Variants in SF3A2 observed in about 807,000 individuals in gnomAD.
SF3A2 encodes splicing factor 3a subunit 2, also known as SAP 62.
A neutral mutation model predicts 31.1 loss-of-function variants in SF3A2; 5 were observed. The observed-to-expected ratio is 0.16, with a 90% CI of 0.08 to 0.34. SF3A2 has a LOEUF of 0.34. Ranked by LOEUF, SF3A2 falls within the 10% of genes least tolerant of loss-of-function variation. The pLI is 1.00. For synonymous variants in SF3A2, 365 were observed against 263.7 expected, an observed-to-expected ratio of 1.38 and a Z score of -3.72; for missense variants, 577 against 643.9, an observed-to-expected ratio of 0.90 and a Z score of 1.13.
chr19:2,247,692 TC>T, intron 8 of SF3A2, 30 bp downstream of exon 8: 1 of 1,612,506 alleles, frequency 6.2e-7, no homozygotes, highest in South Asian at 1.1e-5. Context: ...CCTGGCTCCT[TC>T]CCACCCAGCC....
chr19:2,243,573 G>C (rs2024908298), intron 2 of SF3A2, 29 bp downstream of exon 2: 2 of 1,531,166 alleles, frequency 1.3e-6, no homozygotes, highest in Non-Finnish European at 8.7e-7. Flanking sequence ...AGCTGCCTGT[G>C]GTGGGTGCTG....
chr19:2,246,683 T>C lies in SF3A2; in HGVS notation c.356-70T>C, dbSNP rs891162926. 86 of 1,595,150 alleles carry C rather than the reference T, an allele frequency of 5.4e-5. 1 individual carries two copies. In the East Asian group the frequency reaches 1.9e-3, roughly 36 times the overall value. Reference sequence around the variant, plus strand: ...CCCGCTCTCGTTCAGTGGGTGGCATTAGCCTGCCCCAGGTTCCTCAGCTTC... The same window carrying C: ...CCCGCTCTCGTTCAGTGGGTGGCATCAGCCTGCCCCAGGTTCCTCAGCTTC... On this transcript the variant is annotated intron_variant, in intron 5 of 8. Coordinates refer to ENST00000221494, the MANE Select transcript of SF3A2 (RefSeq NM_007165.5). The surrounding 1 kb of genome is among the most constrained non-coding windows in gnomAD (Gnocchi z 5.5).
rs2024930694 is a variant in SF3A2, at chr19:2,246,166, G to C, written c.356-587G>C. Among the ~76,000 whole-genome samples, 11 of 152,296 alleles carry C rather than the reference G, an allele frequency of 7.2e-5. No homozygotes were observed. In the South Asian group the frequency reaches 2.3e-3, roughly 32 times the overall value. The stretch of plus-strand genomic sequence containing the variant: ...CCCGGGGCAGGTGCACCGGGTGGGC[G>C]AGGGTGGCTAGAGCGGCAGGCTCCT... On this transcript the variant is annotated intron_variant, in intron 5 of 8. Transcript: ENST00000221494. This position sits in a 1 kb window ranked among gnomAD's most constrained non-coding sequence, Gnocchi z 5.5.
intron 1 of SF3A2, among the ~76,000 whole-genome samples, chr19:2,241,537 G>A (rs2024888941): frequency 1.3e-5 from 2 of 152,196 alleles, no homozygotes; most frequent in South Asian, 2.1e-4. Flanking sequence ...AATCCTGCCC[G>A]CCTGTGGGCC....
In SF3A2 at chr19:2,248,170, C is replaced by CCCCCGGAGTCCACCCTCCAGT; in HGVS notation, c.1025_1026insAGTCCACCCTCCAGTCCCCGG (p.Pro346_Ala347insValProGlyValHisProPro). The CCCCCGGAGTCCACCCTCCAGT allele has an allele frequency of 6.8e-7, 1 of 1,464,868 alleles. No individual in the cohort carries two copies. Among genetic ancestry groups the CCCCCGGAGTCCACCCTCCAGT allele is most frequent in the Non-Finnish European group, 9.2e-7 (1 of 1,081,966 alleles). 90.7% of individuals were successfully genotyped at this position (1,464,868 alleles called of 1,614,324 possible). A position where few individuals can be genotyped will look rare whatever the true frequency, so the allele number is the denominator to read the frequency against. On this transcript the variant is annotated inframe_insertion, in exon 9 of 9. Transcript: ENST00000221494. Reference sequence around the variant, plus strand: ...CCAGCTCCTGGAGTCCACCCTCCAGCCCCCGGGGTTCACCCACCAGCCCCC... The same window carrying CCCCCGGAGTCCACCCTCCAGT: ...CCAGCTCCTGGAGTCCACCCTCCAGCCCCCGGAGTCCACCCTCCAGTCCCCGGGGTTCACCCACCAGCCCCC...
At position 2,246,627 on chromosome 19, in the gene SF3A2, G is replaced by A. The variant is rs2024935439; in HGVS notation, c.356-126G>A. On this transcript the variant is annotated intron_variant, in intron 5 of 8. Coordinates refer to ENST00000221494, the MANE Select transcript of SF3A2 (RefSeq NM_007165.5). This position sits in a 1 kb window ranked among gnomAD's most constrained non-coding sequence, Gnocchi z 5.5. ...GAGCCTGGGCGGAGATTGTCTAATG[G>A]TTGCCAGAGCTGCAGGGCCTCCCCC... 12 of 1,059,392 alleles carry A rather than the reference G, an allele frequency of 1.1e-5. No homozygotes were observed. Among genetic ancestry groups the A allele is most frequent in the Admixed American group, 1.1e-4 (5 of 44,802 alleles). 65.6% of individuals were successfully genotyped at this position (1,059,392 alleles called of 1,614,324 possible).
At position 2,245,626 on chromosome 19, in the gene SF3A2, C is replaced by T. The variant is rs995812281; in HGVS notation, c.355+71C>T. On this transcript the variant is annotated intron_variant, in intron 5 of 8. Coordinates refer to ENST00000221494, the MANE Select transcript of SF3A2 (RefSeq NM_007165.5). This position sits in a 1 kb window ranked among gnomAD's most constrained non-coding sequence, Gnocchi z 4.2. ...TAAGTGTGTTCTTTAGTCTCCAGTG[C>T]GGGAGGTGCAGCCCTGATAGCCTCC... is the stretch of plus-strand genomic sequence containing the variant. The T allele has an allele frequency of 9.5e-6, 11 of 1,157,388 alleles. No individual in the cohort carries two copies. Among genetic ancestry groups the T allele is most frequent in the African/African-American group, 4.6e-5 (3 of 65,634 alleles). The allele number at this position is 1,157,388 out of a possible 1,614,324, so 71.7% of individuals were successfully genotyped here.
At position 2,248,218 on chromosome 19, in the gene SF3A2, G is replaced by T; in HGVS notation, c.1067G>T (p.Gly356Val). ...PAPGVHPPAP[G>V]VHPPAPGVHP... ...CCCGGAGTCCACCCACCAGCCCCTGGGGTTCACCCACCAGCCCCAGGGGTC... is the reference window on the plus strand; with the variant it reads ...CCCGGAGTCCACCCACCAGCCCCTGTGGTTCACCCACCAGCCCCAGGGGTC... The change falls in exon 9 of 9, where the codon GGG becomes GTG. Residue 356 changes from glycine to valine, a missense_variant. By Grantham distance (109) the Gly-to-Val change is moderately radical (BLOSUM62 -3). Transcript: ENST00000221494. 6.9e-7 allele frequency: 1 copy of T among 1,457,870 alleles called. No homozygotes were observed. 90.3% of individuals were successfully genotyped at this position (1,457,870 alleles called of 1,614,324 possible).
intron 2 of SF3A2, 52 bp downstream of exon 2, chr19:2,243,596 C>T: frequency 6.7e-7 from 1 of 1,491,318 alleles, no homozygotes; most frequent in Non-Finnish European, 8.8e-7. Context: ...CTTTCCAGGG[C>T]AGCCCTGGAG....
In SF3A2 at chr19:2,246,855, C is replaced by T. The variant is rs369563263; in HGVS notation, c.406-27C>T. 6.2e-7 allele frequency: 1 copy of T among 1,612,918 alleles called. No homozygotes were observed. Among genetic ancestry groups the T allele is most frequent in the Non-Finnish European group, 8.5e-7 (1 of 1,179,718 alleles). The stretch of plus-strand genomic sequence containing the variant: ...GCGGCCAAAGGCACCCAAGAGGCGG[C>T]TCTGCCACCCGGCCGTGTCCCTGCA... On this transcript the variant is annotated intron_variant, in intron 6 of 8. Transcript: ENST00000221494. The surrounding 1 kb of genome is among the most constrained non-coding windows in gnomAD (Gnocchi z 5.5).
Position 2,246,824 on chromosome 19 carries a change from TG to T in SF3A2, c.405+28del, listed in dbSNP as rs986914129. 3.1e-6 allele frequency: 5 copies of T among 1,613,294 alleles called. No individual in the cohort carries two copies. The highest frequency in any genetic ancestry group is 4.2e-6 in the Non-Finnish European group (5 of 1,179,860). The stretch of plus-strand genomic sequence containing the variant: ...CCAGGTGAGATCAGGGACTTGGGCG[TG>T]GGGGGCGGCCAAAGGCACCCAAGAG... On this transcript the variant is annotated intron_variant, in intron 6 of 8. Coordinates refer to ENST00000221494, the MANE Select transcript of SF3A2 (RefSeq NM_007165.5). This position sits in a 1 kb window ranked among gnomAD's most constrained non-coding sequence, Gnocchi z 5.5.
rs945337003 is a variant in SF3A2, at chr19:2,246,397, C to T, written c.356-356C>T. ...ATACATGGTGTCAGCCCTGTTCAGG[C>T]GGCCCCGCTCGAATCCCAGAGCCAG... On this transcript the variant is annotated intron_variant, in intron 5 of 8. Coordinates refer to ENST00000221494, the MANE Select transcript of SF3A2 (RefSeq NM_007165.5). This position sits in a 1 kb window ranked among gnomAD's most constrained non-coding sequence, Gnocchi z 5.5. Among the ~76,000 whole-genome samples the T allele has an allele frequency of 2.0e-5, 3 of 152,106 alleles. No homozygotes were observed. The highest frequency in any genetic ancestry group is 2.1e-4 in the South Asian group (1 of 4,832).
chr19:2,243,321 G>A (rs2024906423), intron 1 of SF3A2, 61 bp from the exon 2 acceptor site: 2 of 1,362,416 alleles, frequency 1.5e-6, no homozygotes, highest in African/African-American at 1.5e-5. Flanking sequence ...CGCCCAGGGA[G>A]GTCCCAGCAG....
At chr19:2,240,791 G>T (rs1568388095) in intron 1 of SF3A2, among the ~76,000 whole-genome samples, 3 of 152,246 alleles carry the variant, frequency 2.0e-5, no homozygotes, top group Admixed American at 6.5e-5. Flanking sequence ...TCACTAAAAT[G>T]TGCCCGGAAA....
intron 1 of SF3A2, among the ~76,000 whole-genome samples, chr19:2,242,862 A>T (rs1469406354): frequency 1.5e-4 from 23 of 152,132 alleles, no homozygotes; most frequent in Admixed American, 1.5e-3. Flanking sequence ...TGAGGATGCG[A>T]AGATCAGTGT....
intron 1 of SF3A2, among the ~76,000 whole-genome samples, chr19:2,240,045 C>G (rs2024875234): frequency 6.6e-6 from 1 of 152,252 alleles, no homozygotes; most frequent in African/African-American, 2.4e-5. Context: ...GTGAGCGCCA[C>G]TTCTCATCCA....
intron 2 of SF3A2, among the ~76,000 whole-genome samples, chr19:2,244,063 C>A (rs1035409934): frequency 6.6e-6 from 1 of 152,204 alleles, no homozygotes; most frequent in East Asian, 1.9e-4. Flanking sequence ...TGAACTCCAG[C>A]GTCTGAGACG....
Position 2,245,190 on chromosome 19 carries a change from A to G in SF3A2, c.246-256A>G. 1 of 468,862 alleles carries G rather than the reference A, an allele frequency of 2.1e-6. No individual in the cohort carries two copies. Among genetic ancestry groups the G allele is most frequent in the Non-Finnish European group, 3.8e-6 (1 of 264,206 alleles). The allele number at this position is 468,862 out of a possible 1,614,324, so 29.0% of individuals were successfully genotyped here. A position where few individuals can be genotyped will look rare whatever the true frequency, so the allele number is the denominator to read the frequency against. ...CAGAGTGAGACTCTTGTCTTATTAA[A>G]AAAAAAAAAAAAGAGCAGAGGCATG... On this transcript the variant is annotated intron_variant, in intron 4 of 8. Coordinates refer to ENST00000221494, the MANE Select transcript of SF3A2 (RefSeq NM_007165.5). This position sits in a 1 kb window ranked among gnomAD's most constrained non-coding sequence, Gnocchi z 4.2.
At chr19:2,238,545 T>G (rs1028158788) in intron 1 of SF3A2, among the ~76,000 whole-genome samples, 1 of 152,234 alleles carries the variant, frequency 6.6e-6, no homozygotes, top group Non-Finnish European at 1.5e-5. Flanking sequence ...AGTTGGTCAT[T>G]GGTTGTGTTT....
Sources: gnomAD v4.1 joint callset for allele counts (sites outside exome capture counted in the v4.1 genomes callset) on GRCh38, gnomAD v4.1.1 for gene constraint, Gnocchi (gnomAD v3.1) non-coding constraint, MANE v1.5 for transcripts, NCBI Gene and HGNC (gene_info 2026-07-23, HGNC 2026-07-21) for gene names.